Variants in NAALADL2 observed in about 807,000 individuals in gnomAD.
The protein encoded by NAALADL2 is inactive N-acetylated-alpha-linked acidic dipeptidase-like protein 2.
NAALADL2 carries 76 observed loss-of-function variants against 87.2 expected under a neutral mutation model. The observed-to-expected ratio is 0.87, with a 90% CI of 0.72 to 1.05. The LOEUF (loss-of-function observed/expected upper bound fraction) is 1.05. Ranked by LOEUF, NAALADL2 falls within the 50% of genes least tolerant of loss-of-function variation. NAALADL2 has a pLI of 0.00. For synonymous variants in NAALADL2, 354 were observed against 331.0 expected (o/e 1.07, Z -0.75); for missense variants, 1,089 against 945.8 (o/e 1.15, Z -1.99).
chr3:175,345,959 GA>G lies in NAALADL2; in HGVS notation c.1090+21637del, dbSNP rs1442580427. Among the ~76,000 whole-genome samples the G allele has an allele frequency of 5.3e-5, 8 of 152,200 alleles. No individual in the cohort carries two copies. In the East Asian group the frequency reaches 1.5e-3, roughly 29 times the overall value. ...ACCCTACCCAGAATAGTATTTACAA[GA>G]AACAGACTGTGATTTATTTAATTGG... On this transcript the variant is annotated intron_variant, in intron 5 of 13. Transcript: ENST00000454872.
chr3:175,341,605 C>T (rs1169388409), intron 5 of NAALADL2, among the ~76,000 whole-genome samples: 2 of 152,078 alleles, frequency 1.3e-5, no homozygotes, highest in Non-Finnish European at 2.9e-5. Flanking sequence ...AGAGGATGCA[C>T]TGTTTAAAAT....
At chr3:175,122,331 C>T (rs1406080035) in intron 2 of NAALADL2, among the ~76,000 whole-genome samples, 1 of 151,770 alleles carries the variant, frequency 6.6e-6, no homozygotes, top group Non-Finnish European at 1.5e-5. Flanking sequence ...CAGTGCAATC[C>T]CCCAATTTCA....
At chr3:174,469,845 A>G (rs543500914) in intron 1 of NAALADL2, among the ~76,000 whole-genome samples, 2 of 152,182 alleles carry the variant, frequency 1.3e-5, no homozygotes. Flanking sequence ...TCTAAGACAC[A>G]TTGTTGTCTC....
chr3:174,751,155 T>G (rs1033916964), intron 3 of NAALADL2, among the ~76,000 whole-genome samples: 1 of 152,102 alleles, frequency 6.6e-6, no homozygotes, highest in Non-Finnish European at 1.5e-5. Context: ...TTGTTGGTAA[T>G]GCGTCTAGTG....
intron 3 of NAALADL2, among the ~76,000 whole-genome samples, chr3:174,788,697 C>T (rs1373521845): frequency 6.6e-6 from 1 of 152,040 alleles, no homozygotes; most frequent in Non-Finnish European, 1.5e-5. Flanking sequence ...TGAGGTAATA[C>T]AAGTCAGCCC....
At position 174,719,367 on chromosome 3, in the gene NAALADL2, T is replaced by C. The variant is rs909350310; in HGVS notation, c.-114-18274T>C. On this transcript the variant is annotated intron_variant, in intron 2 of 3. Transcript: ENST00000434257. ...AATGGCCATATGCAGGTTTTCTTTTTCTTCAAGCCATAAGTTTATTACAAT... is the reference window on the plus strand; with the variant it reads ...AATGGCCATATGCAGGTTTTCTTTTCCTTCAAGCCATAAGTTTATTACAAT... 1.2e-4 allele frequency among the ~76,000 whole-genome samples: 19 copies of C among 152,160 alleles called. 1 individual carries two copies. The highest frequency in any genetic ancestry group is 1.2e-3 in the Admixed American group (18 of 15,280).
chr3:175,299,320 C>G (rs1756749772), intron 4 of NAALADL2, among the ~76,000 whole-genome samples: 2 of 151,470 alleles, frequency 1.3e-5, no homozygotes, highest in Non-Finnish European at 2.9e-5. Context: ...TTTTTTAATT[C>G]TGTGAAGAAA....
At chr3:175,644,608 T>A (rs1287374844) in intron 11 of NAALADL2, among the ~76,000 whole-genome samples, 1 of 152,178 alleles carries the variant, frequency 6.6e-6, no homozygotes, top group Non-Finnish European at 1.5e-5. Context: ...TATTTTCTCA[T>A]CTGTGTATGA....
At chr3:174,815,410 G>A (rs1720675844) in intron 3 of NAALADL2, among the ~76,000 whole-genome samples, 2 of 150,150 alleles carry the variant, frequency 1.3e-5, no homozygotes, top group Admixed American at 6.6e-5. Flanking sequence ...GTACATGTAT[G>A]TGTCCAAATT....
chr3:175,326,323 T>G (rs1456859807), intron 5 of NAALADL2, among the ~76,000 whole-genome samples: 1 of 152,208 alleles, frequency 6.6e-6, no homozygotes, highest in Non-Finnish European at 1.5e-5. Context: ...ATCATGACCA[T>G]TTAAGTAATC....
In NAALADL2 at chr3:174,536,441, A is replaced by C. The variant is rs141726613; in HGVS notation, c.-183-14128A>C. 1.0e-3 allele frequency among the ~76,000 whole-genome samples: 159 copies of C among 152,290 alleles called. 1 individual carries two copies. The highest frequency in any genetic ancestry group is 3.7e-3 in the African/African-American group (152 of 41,582). On this transcript the variant is annotated intron_variant, in intron 1 of 3. Transcript: ENST00000434257. ...GCAGAATCTCATTAAAGCAACTGTCAAGATTCCTCTATTTTGCCATCACCT... is the reference window on the plus strand; with the variant it reads ...GCAGAATCTCATTAAAGCAACTGTCCAGATTCCTCTATTTTGCCATCACCT...
intron 4 of NAALADL2, among the ~76,000 whole-genome samples, chr3:175,265,707 A>G (rs1006080195): frequency 1.3e-5 from 2 of 151,550 alleles, no homozygotes; most frequent in Non-Finnish European, 3.0e-5. Context: ...TTTTGTAATT[A>G]AAATTATAAC....
At chr3:175,112,895 G>A (rs1724445103) in intron 2 of NAALADL2, among the ~76,000 whole-genome samples, 1 of 151,558 alleles carries the variant, frequency 6.6e-6, no homozygotes, top group Non-Finnish European at 1.5e-5. Context: ...GAAAAGATGG[G>A]CACTGAAGGC....
chr3:175,693,905 G>A (rs1043081002), intron 11 of NAALADL2, among the ~76,000 whole-genome samples: 1 of 152,086 alleles, frequency 6.6e-6, no homozygotes, highest in African/African-American at 2.4e-5. Context: ...GTGTTGGCCA[G>A]GATGGTCTTG....
At chr3:174,797,838 T>C (rs747458172) in intron 3 of NAALADL2, among the ~76,000 whole-genome samples, 16 of 152,194 alleles carry the variant, frequency 1.1e-4, no homozygotes, top group Non-Finnish European at 1.3e-4. Flanking sequence ...ATTTTTTTCA[T>C]GTATTATTTG....
intron 3 of NAALADL2, among the ~76,000 whole-genome samples, chr3:174,850,748 A>G (rs765379079): frequency 3.3e-5 from 5 of 152,148 alleles, no homozygotes; most frequent in Non-Finnish European, 7.4e-5. Context: ...AACCTAATTT[A>G]TAGATCAAGT....
At chr3:175,287,015 A>G (rs1325518881) in intron 4 of NAALADL2, among the ~76,000 whole-genome samples, 1 of 152,018 alleles carries the variant, frequency 6.6e-6, no homozygotes, top group Admixed American at 6.6e-5. Flanking sequence ...GAGGTGGAGT[A>G]GGAGGATCCC....
chr3:174,490,204 A>G (rs748999720), intron 1 of NAALADL2, among the ~76,000 whole-genome samples: 5 of 152,146 alleles, frequency 3.3e-5, no homozygotes, highest in Non-Finnish European at 5.9e-5. Flanking sequence ...GTATATCTGT[A>G]CAATGGAATA....
chr3:175,258,312 CG>C (rs139359636), intron 4 of NAALADL2, among the ~76,000 whole-genome samples: 10,036 of 95,406 alleles, frequency 0.11, 973 homozygotes, highest in African/African-American at 0.26. Flanking sequence ...TCCGTCCCTC[CG>C]CCCCCACCAC....
Sources: allele counts gnomAD v4.1 joint callset (sites outside exome capture counted in the v4.1 genomes callset), GRCh38; gene constraint gnomAD v4.1.1; transcripts MANE v1.5; gene names NCBI Gene and HGNC (gene_info 2026-07-23, HGNC 2026-07-21).